The following PYGB variants were observed in gnomAD, a reference collection of about 807,000 sequenced individuals.
PYGB encodes glycogen phosphorylase B.
Under a neutral mutation model 94.3 loss-of-function variants are expected in PYGB, and 82 were observed. The ratio of observed to expected loss-of-function variants is 0.87; its 90% CI spans 0.73 to 1.04. The LOEUF is 1.04. PYGB is among the 50% of genes least tolerant of loss of function. PYGB has a pLI of 0.00. For missense variants in PYGB, 1,132 were observed against 1,158.2 expected (o/e 0.98, Z 0.33); for synonymous variants, 488 against 479.1 (o/e 1.02, Z -0.24).
At chr20:25,288,082 GGAAACT>G (rs1391618855) in intron 14 of PYGB, 1 of 419,904 alleles carries the variant, frequency 2.4e-6, no homozygotes, top group East Asian at 5.4e-5. Flanking sequence ...GGGCTTTTCT[GGAAACT>G]GAGGTGCAGC....
At position 25,283,276 on chromosome 20, in the gene PYGB, A is replaced by G; in HGVS notation, c.1619A>G (p.Gln540Arg). ...ATCAGGGACGTGGCCAAGGTCAAAC[A>G]GGTAGGCATGGCCCTGGCCCCAGCC... ...VFIRDVAKVKQENKLKFSAFL... is the reference protein window; with the variant it reads ...VFIRDVAKVKRENKLKFSAFL... Residue 540 changes from glutamine (Q) to arginine (R), a missense_variant and splice_region_variant, in exon 13 of 20, where the codon CAG becomes CGG. By Grantham distance (43) the Gln-to-Arg change is conservative (BLOSUM62 1). Transcript: ENST00000216962. 2 of 1,612,638 alleles carry G rather than the reference A, an allele frequency of 1.2e-6. No homozygotes were observed. The highest frequency in any genetic ancestry group is 2.2e-5 in the South Asian group (2 of 91,060).
intron 3 of PYGB, among the ~76,000 whole-genome samples, chr20:25,271,099 T>TG (rs11087510): frequency 0.065 from 9,862 of 152,152 alleles, 988 homozygotes; most frequent in African/African-American, 0.22. Context: ...AGTGGGGCAG[T>TG]GGGGGGCTTC....
chr20:25,294,815 CTT>C (rs2088514589), intron 18 of PYGB: 1 of 773,520 alleles, frequency 1.3e-6, no homozygotes. Flanking sequence ...GAGTTACAGA[CTT>C]TGTAAGGTTT....
At chr20:25,279,028 C>T in intron 8 of PYGB, 29 bp from the exon 9 acceptor site, 1 of 1,592,460 alleles carries the variant, frequency 6.3e-7, no homozygotes, top group Non-Finnish European at 8.6e-7. Context: ...GATGAAATGA[C>T]TGAATGGCAC....
Position 25,276,223 on chromosome 20 carries a change from C to T in PYGB, c.661-423C>T, listed in dbSNP as rs527474757. The stretch of plus-strand genomic sequence containing the variant: ...AGGTGGAGCTGAGAGAGGTGATCTG[C>T]GGGGCAAGCATCTGCGTGTTGGAGT... On this transcript the variant is annotated intron_variant, in intron 5 of 19. Transcript: ENST00000216962. 5.8e-4 allele frequency among the ~76,000 whole-genome samples: 88 copies of T among 152,046 alleles called. 1 individual carries two copies. The highest frequency in any genetic ancestry group is 1.0e-3 in the South Asian group (5 of 4,818).
chr20:25,277,117 A>G, intron 6 of PYGB, 127 bp from the exon 7 acceptor site: 1 of 712,292 alleles, frequency 1.4e-6, no homozygotes, highest in East Asian at 2.6e-5. Flanking sequence ...GAGGGGAAGT[A>G]ATGCAGCGGC....
chr20:25,258,264 C>T (rs2092906526), intron 1 of PYGB, among the ~76,000 whole-genome samples: 1 of 152,156 alleles, frequency 6.6e-6, no homozygotes, highest in Admixed American at 6.5e-5. Context: ...TACATGGTGC[C>T]GGTCAGCGTG....
chr20:25,281,817 G>A (rs908921476), intron 11 of PYGB, among the ~76,000 whole-genome samples: 2 of 152,230 alleles, frequency 1.3e-5, no homozygotes, highest in African/African-American at 4.8e-5. Flanking sequence ...TGGGCAAACC[G>A]CACAGCCAGC....
Position 25,296,394 on chromosome 20 carries a change from G to A in PYGB, c.2404G>A (p.Val802Ile). The A allele has an allele frequency of 1.9e-6, 3 of 1,614,072 alleles. No individual in the cohort carries two copies. The highest frequency in any genetic ancestry group is 2.2e-5 in the East Asian group (1 of 44,876). ...YRNPKEWTKK[V>I]IRNIACSGKF... ...GAACCCCAAGGAGTGGACCAAGAAG[G>A]TCATCAGGAACATCGCCTGCTCGGG... The change falls in exon 20 of 20, where the codon GTC (valine) becomes ATC (isoleucine). Residue 802 changes from valine (V) to isoleucine (I), a missense_variant. Physicochemically the swap from Val to Ile is conservative, Grantham distance 29. Transcript: ENST00000216962.
At chr20:25,267,844 C>T (rs1236103702) in intron 2 of PYGB, among the ~76,000 whole-genome samples, 1 of 152,148 alleles carries the variant, frequency 6.6e-6, no homozygotes, top group Non-Finnish European at 1.5e-5. Flanking sequence ...TTATGTCTTT[C>T]TCGAATGCTC....
intron 2 of PYGB, among the ~76,000 whole-genome samples, chr20:25,267,480 G>A (rs1171374310): frequency 1.3e-5 from 2 of 152,162 alleles, no homozygotes; most frequent in Non-Finnish European, 2.9e-5. Context: ...TCTGTCTTCA[G>A]TTCAGAAGCC....
chr20:25,253,935 G>A (rs1449355770), intron 1 of PYGB, among the ~76,000 whole-genome samples: 1 of 152,170 alleles, frequency 6.6e-6, no homozygotes, highest in African/African-American at 2.4e-5. Flanking sequence ...AGCCAGGCAT[G>A]GTGGTGGGCG....
At chr20:25,258,208 C>T (rs1171694995) in intron 1 of PYGB, among the ~76,000 whole-genome samples, 1 of 152,164 alleles carries the variant, frequency 6.6e-6, no homozygotes, top group Non-Finnish European at 1.5e-5. Flanking sequence ...GTATTAAAAA[C>T]TTTATGGACC....
chr20:25,275,824 G>A (rs1461455957), intron 5 of PYGB, among the ~76,000 whole-genome samples: 1 of 152,202 alleles, frequency 6.6e-6, no homozygotes, highest in Non-Finnish European at 1.5e-5. Context: ...GCCTTGTGGG[G>A]CAGGGGCAAG....
chr20:25,292,361 A>G (rs1337416131), intron 16 of PYGB, 45 bp from the exon 17 acceptor site: 8 of 1,592,420 alleles, frequency 5.0e-6, no homozygotes, highest in East Asian at 2.2e-5. Context: ...GGCTGAGGAC[A>G]TTGGGGTCCT....
At chr20:25,290,768 C>T (rs549073478) in intron 16 of PYGB, 146 bp downstream of exon 16, 26 of 1,204,098 alleles carry the variant, frequency 2.2e-5, no homozygotes, top group Middle Eastern at 2.5e-4. Flanking sequence ...GAGCAGGGAA[C>T]GGCTTTAGGG....
At chr20:25,258,371 G>T (rs775578360) in intron 1 of PYGB, among the ~76,000 whole-genome samples, 4 of 152,208 alleles carry the variant, frequency 2.6e-5, no homozygotes, top group Non-Finnish European at 5.9e-5. Context: ...GGCAGACAGG[G>T]AAGTAAGCTC....
At position 25,276,684 on chromosome 20, in the gene PYGB, C is replaced by CT. The variant is rs775752469; in HGVS notation, c.700dup (p.Tyr234LeufsTer41). 1.2e-6 allele frequency: 2 copies of CT among 1,613,952 alleles called. No individual in the cohort carries two copies. Among genetic ancestry groups the CT allele is most frequent in the South Asian group, 1.1e-5 (1 of 91,084 alleles). On this transcript the variant is annotated frameshift_variant, in exon 6 of 20. Transcript: ENST00000216962. LOFTEE classifies it high-confidence loss of function. ...TGCCCTACGACACCCCAGTGCCCGG[C>CT]TACAAGAACAACACCGTCAACACCA...
Position 25,248,116 on chromosome 20 carries a change from C to A in PYGB, c.-63C>A. ...GCGGCGCCAGAGCAGCTGCACCATC[C>A]CGGCGTTCGCGTGTGCCGCCGCTTT... On this transcript the variant is annotated 5_prime_UTR_variant, in exon 1 of 20. Coordinates refer to ENST00000216962, the MANE Select transcript of PYGB (RefSeq NM_002862.4). 6.7e-7 allele frequency: 1 copy of A among 1,483,224 alleles called. No individual in the cohort carries two copies. The highest frequency in any genetic ancestry group is 8.9e-7 in the Non-Finnish European group (1 of 1,118,444). The allele number at this position is 1,483,224 out of a possible 1,614,324, so 91.9% of individuals were successfully genotyped here. A position where few individuals can be genotyped will look rare whatever the true frequency, so the allele number is the denominator to read the frequency against.
Sources: allele counts gnomAD v4.1 joint callset (sites outside exome capture counted in the v4.1 genomes callset), GRCh38; gene constraint gnomAD v4.1.1; transcripts MANE v1.5; gene names NCBI Gene and HGNC (gene_info 2026-07-23, HGNC 2026-07-21).